Variants in RYR1 observed in about 807,000 individuals in gnomAD.
The protein encoded by RYR1 is central core disease of muscle.
RYR1 carries 342 observed loss-of-function variants against 583.5 expected under a neutral mutation model. The ratio of observed to expected loss-of-function variants is 0.59; its 90% confidence interval spans 0.54 to 0.64. The LOEUF is 0.64. RYR1 is among the 30% of genes least tolerant of loss of function. The pLI is 0.00. For missense variants in RYR1, 6,032 were observed against 6,917.2 expected (o/e 0.87, Z 4.54); for synonymous variants, 2,791 against 2,822.5 (o/e 0.99, Z 0.35).
chr19:38,481,282 A>T (rs964985954), intron 31 of RYR1, among the ~76,000 whole-genome samples: 3 of 151,812 alleles, frequency 2.0e-5, no homozygotes, highest in Admixed American at 2.0e-4. Context: ...ACGCACTACC[A>T]CACCTGGCTA....
At chr19:38,522,901 C>T in intron 67 of RYR1, 127 bp from the exon 68 acceptor site, 1 of 787,316 alleles carries the variant, frequency 1.3e-6, no homozygotes, top group Non-Finnish European at 2.1e-6. Context: ...GCCAGATGAC[C>T]CTAGAAACCC....
chr19:38,484,665 T>C (rs542449833), intron 33 of RYR1, among the ~76,000 whole-genome samples: 3 of 152,106 alleles, frequency 2.0e-5, no homozygotes, highest in Non-Finnish European at 4.4e-5. Context: ...CGTTTATTAA[T>C]TTATTCATTC....
At position 38,565,332 on chromosome 19, in the gene RYR1, C is replaced by T; in HGVS notation, c.12998C>T (p.Ala4333Val). The T allele has an allele frequency of 1.7e-6, 2 of 1,188,130 alleles. No individual in the cohort carries two copies. The highest frequency in any genetic ancestry group is 3.3e-4 in the Middle Eastern group (1 of 2,996). The allele number at this position is 1,188,130 out of a possible 1,614,324, so 73.6% of individuals were successfully genotyped here. A position where few individuals can be genotyped will look rare whatever the true frequency, so the allele number is the denominator to read the frequency against. ...GCCCGCGAGGCGGCCACCGCAGTGG[C>T]GGCGCTGCTCTGGGCAGCAGTGACG... Reference protein sequence around the residue: ...LTAREAATAVAALLWAAVTRA... With the variant: ...LTAREAATAVVALLWAAVTRA... Residue 4333 changes from alanine (A) to valine (V), a missense_variant, in exon 91 of 106, where the codon GCG becomes GTG. This residue lies in a region of RYR1 where 753 missense variants were observed against 759.6 expected (regional missense o/e 0.99). Transcript: ENST00000359596. This position sits in a 1 kb window ranked among gnomAD's most constrained non-coding sequence, Gnocchi z 4.7.
In RYR1 at chr19:38,455,726, T is replaced by C; in HGVS notation, c.1766T>C (p.Leu589Pro). ...ENHIKSIISL[L>P]DKHGRNHKVL... ...CACATCAAGTCCATCATCTCCCTCC[T>C]GGACAAGCATGGGAGGAACCACAAG... is the stretch of plus-strand genomic sequence containing the variant. The change falls in exon 16 of 106, where the codon CTG becomes CCG. Residue 589 changes from leucine to proline, a missense_variant. By Grantham distance (98) the Leu-to-Pro change is moderately conservative. Transcript: ENST00000359596. 1 of 1,611,962 alleles carries C rather than the reference T, an allele frequency of 6.2e-7. No individual in the cohort carries two copies. The highest frequency in any genetic ancestry group is 1.1e-5 in the South Asian group (1 of 91,020).
chr19:38,440,887 C>A, intron 2 of RYR1, 23 bp downstream of exon 2: 1 of 1,605,632 alleles, frequency 6.2e-7, no homozygotes, highest in Non-Finnish European at 8.5e-7. Context: ...GGGAGAGGGG[C>A]CTGGGGACAG....
chr19:38,506,974 C>G, intron 57 of RYR1, 22 bp downstream of exon 57: 1 of 1,612,008 alleles, frequency 6.2e-7, no homozygotes, highest in Non-Finnish European at 8.5e-7. Flanking sequence ...GGGGCTCCCG[C>G]GGAAGAGCAG....
At chr19:38,502,999 T>C (rs1970266668) in intron 49 of RYR1, 29 bp downstream of exon 49, 1 of 1,599,886 alleles carries the variant, frequency 6.3e-7, no homozygotes, top group African/African-American at 1.3e-5. Flanking sequence ...TAGCATCTCA[T>C]TTCCAGGCCG....
chr19:38,543,283 G>T lies in RYR1; in HGVS notation c.11690-64G>T. On this transcript the variant is annotated intron_variant, in intron 84 of 105. Coordinates refer to ENST00000359596, the MANE Select transcript of RYR1 (RefSeq NM_000540.3). This position sits in a 1 kb window ranked among gnomAD's most constrained non-coding sequence, Gnocchi z 4.4. ...ATGAGTATTGCATAAATGAATAAAT[G>T]ACCCACTGTTCATCTCCCCTAGCAC... 1 of 1,360,260 alleles carries T rather than the reference G, an allele frequency of 7.4e-7. No homozygotes were observed. Among genetic ancestry groups the T allele is most frequent in the South Asian group, 1.2e-5 (1 of 85,626 alleles). 84.3% of individuals were successfully genotyped at this position (1,360,260 alleles called of 1,614,324 possible).
chr19:38,568,706 C>T (rs1294454179), intron 93 of RYR1, among the ~76,000 whole-genome samples: 1 of 140,098 alleles, frequency 7.1e-6, no homozygotes, highest in Admixed American at 7.4e-5. Flanking sequence ...GAGCCGAGAT[C>T]GTGCCACTGC....
Position 38,528,608 on chromosome 19 carries a change from A to G in RYR1, c.10947A>G (p.Ala3649=), listed in dbSNP as rs1416168826. The part of the protein sequence containing the change: ...TPLYNLPTHR[A]CNMFLESYKA... ...CACCTCTCCCCTGCAGGCACCGGGCATGTAACATGTTCCTGGAGAGCTACA... is the reference window on the plus strand; with the variant it reads ...CACCTCTCCCCTGCAGGCACCGGGCGTGTAACATGTTCCTGGAGAGCTACA... Residue 3649 remains alanine, a synonymous_variant, in exon 75 of 106, where the codon GCA becomes GCG. Coordinates refer to ENST00000359596, the MANE Select transcript of RYR1 (RefSeq NM_000540.3). The G allele has an allele frequency of 1.2e-6, 2 of 1,614,160 alleles. No individual in the cohort carries two copies. Among genetic ancestry groups the G allele is most frequent in the Non-Finnish European group, 1.7e-6 (2 of 1,180,012 alleles).
intron 76 of RYR1, among the ~76,000 whole-genome samples, chr19:38,530,989 T>A (rs112971357): frequency 2.1e-4 from 21 of 97,728 alleles, no homozygotes; most frequent in Non-Finnish European, 2.5e-4. Flanking sequence ...TTCTTTCTCT[T>A]TTTTTTTTTT....
At chr19:38,539,692 G>A (rs979181975) in intron 84 of RYR1, among the ~76,000 whole-genome samples, 28 of 152,004 alleles carry the variant, frequency 1.8e-4, no homozygotes, top group Admixed American at 8.5e-4. Flanking sequence ...CCCAGTCCTC[G>A]CCTAAATTCA....
At chr19:38,581,064 A>C (rs1974182427) in intron 101 of RYR1, among the ~76,000 whole-genome samples, 1 of 151,384 alleles carries the variant, frequency 6.6e-6, no homozygotes. Flanking sequence ...ACACCCAGAT[A>C]CTTTTTGTAT....
rs769949286 is a variant in RYR1 at position 38,486,135 on chromosome 19, G to A, written c.5480G>A (p.Arg1827His). Residue 1827 changes from arginine to histidine, a missense_variant, in exon 34 of 106, where the codon CGC (arginine) becomes CAC (histidine). Transcript: ENST00000359596. The part of the protein sequence containing the change: ...EAVRDGGQHA[R>H]DPVGGSVEFQ... ...GTGCGCGACGGTGGGCAGCACGCTC[G>A]CGACCCCGTCGGGGGCTCCGTGGAG... The A allele has an allele frequency of 5.0e-6, 8 of 1,613,072 alleles. No homozygotes were observed. The highest frequency in any genetic ancestry group is 1.3e-5 in the African/African-American group (1 of 74,902).
intron 89 of RYR1, among the ~76,000 whole-genome samples, chr19:38,558,768 G>A (rs752422695): frequency 6.6e-6 from 1 of 150,894 alleles, no homozygotes. Context: ...GACAGAGCAA[G>A]ACTCTGTCTC....
chr19:38,580,280 G>A, intron 100 of RYR1, 90 bp from the exon 101 acceptor site: 1 of 1,594,380 alleles, frequency 6.3e-7, no homozygotes, highest in Non-Finnish European at 8.5e-7. Context: ...TAGAGCCACA[G>A]GGACTGAACC....
intron 42 of RYR1, among the ~76,000 whole-genome samples, chr19:38,497,300 G>C (rs1001137629): frequency 6.6e-6 from 1 of 152,070 alleles, no homozygotes; most frequent in Non-Finnish European, 1.5e-5. Context: ...CTACGCTTCC[G>C]GGTTGGGGGC....
At chr19:38,488,350 T>C (rs543775183) in intron 34 of RYR1, among the ~76,000 whole-genome samples, 8 of 152,190 alleles carry the variant, frequency 5.3e-5, no homozygotes, top group Admixed American at 5.2e-4. Context: ...CACTTATTCA[T>C]CTTTCCTTCA....
chr19:38,495,250 C>T (rs1327015357), intron 39 of RYR1, among the ~76,000 whole-genome samples: 1 of 152,038 alleles, frequency 6.6e-6, no homozygotes, highest in East Asian at 1.9e-4. Flanking sequence ...TGAGCTCATG[C>T]GAATAATAAT....
Sources: gnomAD v4.1 joint callset for allele counts (sites outside exome capture counted in the v4.1 genomes callset) on GRCh38, gnomAD v4.1.1 for gene constraint, gnomAD v4.1.1 regional missense constraint, Gnocchi (gnomAD v3.1) non-coding constraint, MANE v1.5 for transcripts, NCBI Gene and HGNC (gene_info 2026-07-23, HGNC 2026-07-21) for gene names.